The following ATR variants were observed in gnomAD, a reference collection of about 807,000 sequenced individuals.
The protein encoded by ATR is serine/threonine-protein kinase ATR.
In ATR, 142 loss-of-function variants were observed where a neutral mutation model predicts 305.3. That is an observed-to-expected ratio of 0.47 (90% CI 0.41 to 0.53). The LOEUF (loss-of-function observed/expected upper bound fraction) is 0.53, where lower values mean the gene tolerates loss of function less well. Ranked by LOEUF, ATR falls within the 20% of genes least tolerant of loss-of-function variation. ATR has a pLI of 0.00. For missense variants in ATR, 2,135 were observed against 3,133.1 expected (o/e 0.68, Z 7.60); for synonymous variants, 1,050 against 1,068.1 (o/e 0.98, Z 0.33).
chr3:142,465,314 A>T (rs2108271776), intron 40 of ATR, 74 bp from the exon 41 acceptor site: 3 of 1,139,494 alleles, frequency 2.6e-6, no homozygotes, highest in Non-Finnish European at 3.7e-6. Context: ...ATAAACCTTG[A>T]GTTATGTAAA....
rs573545817 is a variant in ATR, at chr3:142,532,018, A to AT, written c.3945+3061dup. Among the ~76,000 whole-genome samples the AT allele has an allele frequency of 5.6e-4, 85 of 152,156 alleles. 3 individuals carry two copies. The East Asian group carries it at 0.015, about 27-fold the overall frequency. ...TCTCTGATGGCCAGTGAGGATGAGC[A>AT]TTTTTTCATGTGTTTTTTGGCTGCA... On this transcript the variant is annotated intron_variant, in intron 21 of 46. Transcript: ENST00000350721.
intron 1 of ATR, among the ~76,000 whole-genome samples, chr3:142,570,664 A>T (rs890796703): frequency 3.9e-5 from 6 of 152,230 alleles, no homozygotes; most frequent in Non-Finnish European, 2.9e-5. Context: ...CTGGGATTAT[A>T]GGTGTGAGCC....
chr3:142,477,415 ACCAGCCTTACATC>A (rs1383559347), intron 36 of ATR, among the ~76,000 whole-genome samples: 4 of 152,274 alleles, frequency 2.6e-5, no homozygotes, highest in Non-Finnish European at 4.4e-5. Flanking sequence ...TGTATGTTGA[ACCAGCCTTACATC>A]CCAGGGATGA....
intron 46 of ATR, chr3:142,450,459 TACTC>T: frequency 6.2e-7 from 1 of 1,601,020 alleles, no homozygotes; most frequent in South Asian, 1.1e-5. Flanking sequence ...ACAGAGCTAT[TACTC>T]ACTTAATGAG....
intron 25 of ATR, 53 bp downstream of exon 25, chr3:142,515,342 C>T: frequency 1.2e-6 from 2 of 1,603,660 alleles, no homozygotes; most frequent in South Asian, 2.2e-5. Flanking sequence ...GATAGATGTT[C>T]TGGTTTCCTT....
chr3:142,536,357 C>T (rs553334128), intron 19 of ATR, among the ~76,000 whole-genome samples, 156 bp from the exon 20 acceptor site: 1 of 152,306 alleles, frequency 6.6e-6, no homozygotes, highest in Non-Finnish European at 1.5e-5. Context: ...GTCTAAGATG[C>T]TCAGCTAAAT....
chr3:142,450,553 T>C, intron 46 of ATR: 1 of 1,607,360 alleles, frequency 6.2e-7, no homozygotes, highest in South Asian at 1.1e-5. Context: ...GGAAGTACCC[T>C]TTGAAGCACA....
intron 1 of ATR, 51 bp from the exon 2 acceptor site, chr3:142,568,205 T>C: frequency 6.8e-7 from 1 of 1,478,564 alleles, no homozygotes; most frequent in Non-Finnish European, 9.4e-7. Context: ...CAGTTTCATT[T>C]GCAAAAAAAA....
At chr3:142,523,227 C>G (rs935176733) in intron 22 of ATR, among the ~76,000 whole-genome samples, 1 of 152,094 alleles carries the variant, frequency 6.6e-6, no homozygotes, top group Non-Finnish European at 1.5e-5. Context: ...CAAGACCAGA[C>G]TGGCCAATAT....
intron 42 of ATR, among the ~76,000 whole-genome samples, chr3:142,461,708 T>C (rs1251031928): frequency 1.3e-5 from 2 of 152,006 alleles, no homozygotes; most frequent in Non-Finnish European, 2.9e-5. Context: ...TTTTGTAAGC[T>C]ACCTCAAATC....
chr3:142,478,538 G>T (rs939382204), intron 36 of ATR, among the ~76,000 whole-genome samples: 2 of 152,154 alleles, frequency 1.3e-5, no homozygotes, highest in Admixed American at 1.3e-4. Flanking sequence ...AATAGGTGTG[G>T]TGTGGTGCTG....
chr3:142,499,763 GT>G lies in ATR; in HGVS notation c.5289-46del, dbSNP rs2031856232. 2.0e-6 allele frequency: 3 copies of G among 1,517,804 alleles called. No individual in the cohort carries two copies. The East Asian group carries it at 6.8e-5, about 34-fold the overall frequency. 94.0% of individuals were successfully genotyped at this position (1,517,804 alleles called of 1,614,324 possible). On this transcript the variant is annotated intron_variant, in intron 30 of 46. Coordinates refer to ENST00000350721, the MANE Select transcript of ATR (RefSeq NM_001184.4). ...TCAACTAAACTTTAATTTATTTAAG[GT>G]GACATTCAGAGATTTTTCATTGGTT...
At chr3:142,563,702 C>A (rs557953846) in intron 3 of ATR, among the ~76,000 whole-genome samples, 64 of 152,274 alleles carry the variant, frequency 4.2e-4, no homozygotes, top group Non-Finnish European at 7.8e-4. Flanking sequence ...AGTCACACAT[C>A]TCTCACTTCA....
At position 142,522,774 on chromosome 3, in the gene ATR, T is replaced by C. The variant is rs762160435; in HGVS notation, c.4220A>G (p.Tyr1407Cys). The change falls in exon 23 of 47, where the codon TAT becomes TGT. Residue 1407 changes from tyrosine to cysteine, a missense_variant. Tyr to Cys is a radical substitution (Grantham distance 194). Transcript: ENST00000350721. ...ATCTTGAGCTCGGCTATTATCAGCA[T>C]ACGCAAGGTAAGCTCTTGTTAGCTC... ...LMELTRAYLA[Y>C]ADNSRAQDSA... The C allele has an allele frequency of 3.7e-6, 6 of 1,613,866 alleles. No homozygotes were observed. The highest frequency in any genetic ancestry group is 3.3e-5 in the Admixed American group (2 of 59,988).
intron 1 of ATR, among the ~76,000 whole-genome samples, chr3:142,575,805 C>A (rs2108508751): frequency 6.6e-6 from 1 of 152,264 alleles, no homozygotes; most frequent in African/African-American, 2.4e-5. Flanking sequence ...CCTGGAGAAA[C>A]AAGGTCAGTA....
intron 1 of ATR, among the ~76,000 whole-genome samples, chr3:142,569,317 ATTATT>A (rs1412449183): frequency 5.3e-5 from 8 of 151,958 alleles, no homozygotes; most frequent in East Asian, 1.9e-4. Context: ...TTTTTTTATT[ATTATT>A]TTATTTTCCC....
chr3:142,577,573 T>TG (rs2035480828), intron 1 of ATR, among the ~76,000 whole-genome samples: 1 of 152,236 alleles, frequency 6.6e-6, no homozygotes, highest in Non-Finnish European at 1.5e-5. Flanking sequence ...TATCCTTTTA[T>TG]TCATATATTG....
chr3:142,458,125 T>C, intron 44 of ATR, among the ~76,000 whole-genome samples: 1 of 152,354 alleles, frequency 6.6e-6, no homozygotes, highest in East Asian at 1.9e-4. Flanking sequence ...TATTTCTACT[T>C]TTCTTTAACA....
rs1472787906 is a variant in ATR, at chr3:142,513,570, C to G, written c.4572G>C (p.Val1524=). The change falls in exon 26 of 47, where the codon GTG becomes GTC. Residue 1524 remains valine, a synonymous_variant. Coordinates refer to ENST00000350721, the MANE Select transcript of ATR (RefSeq NM_001184.4). The part of the protein sequence containing the change: ...CSIMMKHDFK[V]TIYLLPHILV... Reference sequence around the variant, plus strand: ...GAATATGTGGAAGAAGATAGATGGTCACTTTGAAATCATGCTTCATCATAA... The same window carrying G: ...GAATATGTGGAAGAAGATAGATGGTGACTTTGAAATCATGCTTCATCATAA... 6.2e-7 allele frequency: 1 copy of G among 1,613,256 alleles called. No individual in the cohort carries two copies.
Sources: gnomAD v4.1 joint callset for allele counts (sites outside exome capture counted in the v4.1 genomes callset) on GRCh38, gnomAD v4.1.1 for gene constraint, MANE v1.5 for transcripts, NCBI Gene and HGNC (gene_info 2026-07-23, HGNC 2026-07-21) for gene names.